Variants in MAP2 observed in about 807,000 individuals in gnomAD.
MAP2 encodes the protein microtubule-associated protein 2.
A neutral mutation model predicts 137.6 loss-of-function variants in MAP2; 14 were observed. The ratio of observed to expected loss-of-function variants is 0.10; its 90% CI spans 0.07 to 0.16. MAP2 has a LOEUF of 0.16. Ranked by LOEUF, MAP2 falls within the 10% of genes least tolerant of loss-of-function variation. MAP2 has a pLI of 1.00. For synonymous variants in MAP2, 786 were observed against 782.3 expected (o/e 1.00, Z -0.08); for missense variants, 2,088 against 2,191.5 (o/e 0.95, Z 0.94).
intron 1 of MAP2, among the ~76,000 whole-genome samples, chr2:209,493,102 A>G (rs2059330072): frequency 6.6e-6 from 1 of 152,170 alleles, no homozygotes; most frequent in Admixed American, 6.5e-5. Context: ...ATGGAACAGA[A>G]CAGAGGCCTC....
chr2:209,520,878 A>G (rs1241070378), intron 2 of MAP2, among the ~76,000 whole-genome samples: 2 of 152,098 alleles, frequency 1.3e-5, no homozygotes, highest in Non-Finnish European at 2.9e-5. Flanking sequence ...CATCTCATGC[A>G]GTAATTTTTG....
At chr2:209,719,817 G>A (rs1039988755) in intron 13 of MAP2, among the ~76,000 whole-genome samples, 1 of 152,156 alleles carries the variant, frequency 6.6e-6, no homozygotes, top group Non-Finnish European at 1.5e-5. Flanking sequence ...ATTAACCTAT[G>A]CTTATACAAC....
chr2:209,541,236 G>A (rs2066976238), intron 2 of MAP2, among the ~76,000 whole-genome samples: 1 of 151,060 alleles, frequency 6.6e-6, no homozygotes, highest in East Asian at 1.9e-4. Flanking sequence ...CACCATGTTG[G>A]ACAGGCTGGT....
At chr2:209,664,962 C>CAAAAAA (rs67286716) in intron 5 of MAP2, among the ~76,000 whole-genome samples, 52 of 51,454 alleles carry the variant, frequency 1.0e-3, no homozygotes, top group East Asian at 2.8e-3. Context: ...AACTCCGTCT[C>CAAAAAA]AAAAAAAAAA....
At chr2:209,570,244 T>C (rs2074168369) in intron 2 of MAP2, among the ~76,000 whole-genome samples, 1 of 151,846 alleles carries the variant, frequency 6.6e-6, no homozygotes, top group African/African-American at 2.4e-5. Context: ...TCTGCTATCT[T>C]GTAAGTGTAA....
At chr2:209,583,049 T>C (rs1033887988) in intron 3 of MAP2, among the ~76,000 whole-genome samples, 1 of 152,082 alleles carries the variant, frequency 6.6e-6, no homozygotes, top group Admixed American at 6.6e-5. Flanking sequence ...TGATGTTCCA[T>C]GCAATAAGGT....
At chr2:209,563,579 G>C (rs956598537) in intron 2 of MAP2, among the ~76,000 whole-genome samples, 1 of 152,174 alleles carries the variant, frequency 6.6e-6, no homozygotes, top group African/African-American at 2.4e-5. Context: ...CTAGCTCATA[G>C]TGAAATCCCT....
chr2:209,614,899 A>G (rs1413769252), intron 3 of MAP2, among the ~76,000 whole-genome samples: 1 of 151,960 alleles, frequency 6.6e-6, no homozygotes, highest in African/African-American at 2.4e-5. Flanking sequence ...CTTCCGCAAG[A>G]CTCCAGTGAG....
intron 2 of MAP2, among the ~76,000 whole-genome samples, chr2:209,560,566 A>T (rs1578249982): frequency 6.7e-6 from 1 of 148,756 alleles, no homozygotes; most frequent in East Asian, 2.0e-4. Context: ...TGCAGGCTTG[A>T]CCTCCTGAGC....
intron 5 of MAP2, among the ~76,000 whole-genome samples, chr2:209,654,987 A>G (rs1460769687): frequency 2.6e-5 from 4 of 151,640 alleles, no homozygotes; most frequent in African/African-American, 4.8e-5. Flanking sequence ...TGTAATACAC[A>G]AAAAAAAATC....
chr2:209,628,750 G>A (rs779572726), intron 4 of MAP2, among the ~76,000 whole-genome samples: 4 of 152,158 alleles, frequency 2.6e-5, no homozygotes, highest in South Asian at 2.1e-4. Context: ...ACATCATCTC[G>A]ACATGATCTC....
chr2:209,593,692 ATATAT>A (rs1278425911), intron 3 of MAP2, among the ~76,000 whole-genome samples: 3 of 95,074 alleles, frequency 3.2e-5, no homozygotes, highest in African/African-American at 4.1e-5. Context: ...AAAAAATAAT[ATATAT>A]TATATTATAT....
At chr2:209,661,105 A>G (rs1440882449) in intron 5 of MAP2, among the ~76,000 whole-genome samples, 1 of 152,064 alleles carries the variant, frequency 6.6e-6, no homozygotes, top group Non-Finnish European at 1.5e-5. Flanking sequence ...TCTCACATGC[A>G]AAAAGCTGCA....
chr2:209,693,362 G>A lies in MAP2; in HGVS notation c.1192G>A (p.Val398Ile). 1 of 1,611,986 alleles carries A rather than the reference G, an allele frequency of 6.2e-7. No homozygotes were observed. The highest frequency in any genetic ancestry group is 8.5e-7 in the Non-Finnish European group (1 of 1,179,588). ...CTTACCCAAAGATGCTCACATTCCA[G>A]TTGTAGAAGAACATGTTATGGGGAA... The part of the protein sequence containing the change: ...MTLPKDAHIP[V>I]VEEHVMGKVL... The change falls in exon 8 of 16, where the codon GTT (valine) becomes ATT (isoleucine). Residue 398 changes from valine (V) to isoleucine (I), a missense_variant. Physicochemically the swap from Val to Ile is conservative, Grantham distance 29. Transcript: ENST00000682079.
chr2:209,522,528 G>C (rs767481966), intron 2 of MAP2, among the ~76,000 whole-genome samples: 1 of 152,038 alleles, frequency 6.6e-6, no homozygotes, highest in Non-Finnish European at 1.5e-5. Flanking sequence ...AATAACTTTT[G>C]AAAGTGCTGT....
chr2:209,592,147 G>A (rs1445224061), intron 3 of MAP2, among the ~76,000 whole-genome samples: 1 of 152,036 alleles, frequency 6.6e-6, no homozygotes, highest in Non-Finnish European at 1.5e-5. Context: ...CTTTAAAGGG[G>A]CAGATAGTAA....
At chr2:209,652,830 C>T (rs1222234426) in intron 4 of MAP2, among the ~76,000 whole-genome samples, 5 of 152,066 alleles carry the variant, frequency 3.3e-5, no homozygotes, top group Non-Finnish European at 7.4e-5. Context: ...TACCTAAATG[C>T]CAAACACTAG....
At chr2:209,669,260 A>G (rs1302721963) in intron 5 of MAP2, among the ~76,000 whole-genome samples, 1 of 152,100 alleles carries the variant, frequency 6.6e-6, no homozygotes, top group Non-Finnish European at 1.5e-5. Flanking sequence ...ATTACGCAGA[A>G]GTCATGTTGG....
Position 209,694,103 on chromosome 2 carries a change from C to T in MAP2, c.1933C>T (p.Pro645Ser). Residue 645 changes from proline (P) to serine (S), a missense_variant, in exon 8 of 16, where the codon CCA becomes TCA. By Grantham distance (74) the Pro-to-Ser change is moderately conservative (BLOSUM62 -1). Around this residue, in one of 6 missense-constraint regions of MAP2, gnomAD observed 859 missense variants for 794.5 expected, o/e 1.08. Transcript: ENST00000682079. ...GTACAGCACTCTCGCACAGAGTTAT[C>T]CATCAGATTTACCTGAAGAACCCAG... ...AGYSTLAQSY[P>S]SDLPEEPSSP... 1 of 1,613,832 alleles carries T rather than the reference C, an allele frequency of 6.2e-7. No homozygotes were observed.
Sources: gnomAD v4.1 joint callset for allele counts (sites outside exome capture counted in the v4.1 genomes callset) on GRCh38, gnomAD v4.1.1 for gene constraint, gnomAD v4.1.1 regional missense constraint, MANE v1.5 for transcripts, NCBI Gene and HGNC (gene_info 2026-07-23, HGNC 2026-07-21) for gene names.